Variants in DNAH1 observed in about 807,000 individuals in gnomAD.
The protein encoded by DNAH1 is axonemal beta dynein heavy chain 1.
Under a neutral mutation model 484.3 loss-of-function variants are expected in DNAH1, and 327 were observed. The observed-to-expected ratio is 0.68, with a 90% CI of 0.62 to 0.74. The LOEUF (loss-of-function observed/expected upper bound fraction) is 0.74. DNAH1 is among the 30% of genes least tolerant of loss of function. DNAH1 has a pLI of 0.00. For synonymous variants in DNAH1, 2,192 were observed against 2,191.9 expected (o/e 1.00, Z 0.00); for missense variants, 5,052 against 5,546.8 (o/e 0.91, Z 2.83).
Position 52,361,367 on chromosome 3 carries a change from G to A in DNAH1, c.4874+15G>A. Reference sequence around the variant, plus strand: ...GGCCTGGCCAGGTGAGGCTGGGCATGAGCGTGGCACAGGATGGGGTGGGAC... The same window carrying A: ...GGCCTGGCCAGGTGAGGCTGGGCATAAGCGTGGCACAGGATGGGGTGGGAC... On this transcript the variant is annotated intron_variant, in intron 29 of 77. Transcript: ENST00000420323. The surrounding 1 kb of genome is among the most constrained non-coding windows in gnomAD (Gnocchi z 5.6). 6.4e-7 allele frequency: 1 copy of A among 1,557,572 alleles called. No individual in the cohort carries two copies. Among genetic ancestry groups the A allele is most frequent in the Non-Finnish European group, 8.7e-7 (1 of 1,149,476 alleles).
rs897209393 is a variant in DNAH1 at position 52,350,295 on chromosome 3, G to C, written c.2646+187G>C. On this transcript the variant is annotated intron_variant, in intron 15 of 77. Transcript: ENST00000420323. The stretch of plus-strand genomic sequence containing the variant: ...TCAGAGCTCTGCTGTCTGGGGGTAG[G>C]GGGGAGCTGGAAGCTGGAGGTGTGG... 3.9e-5 allele frequency among the ~76,000 whole-genome samples: 6 copies of C among 152,224 alleles called. No individual in the cohort carries two copies. In the South Asian group the frequency reaches 8.3e-4, roughly 21 times the overall value.
At chr3:52,318,893 GGT>G (rs1287357945) in intron 1 of DNAH1, among the ~76,000 whole-genome samples, 2 of 152,184 alleles carry the variant, frequency 1.3e-5, no homozygotes, top group Non-Finnish European at 1.5e-5. Flanking sequence ...AGAACCCCGG[GGT>G]GTGAAATGGA....
chr3:52,326,981 C>T (rs1292538140), intron 5 of DNAH1, 90 bp downstream of exon 5: 3 of 1,447,468 alleles, frequency 2.1e-6, no homozygotes, highest in Admixed American at 2.3e-5. Context: ...AAAGGGGATT[C>T]CCCCACCAGT....
chr3:52,346,762 C>T lies in DNAH1; in HGVS notation c.1947C>T (p.Ser649=), dbSNP rs368093315. ...DMVWGDDLIN[S]PYRPRKNPLF... ...TCTGGGGTGACGACTTAATTAACAG[C>T]CCCTACAGGTGGGGCCCGGCGGGGC... is the stretch of plus-strand genomic sequence containing the variant. The change falls in exon 11 of 78, where the codon AGC becomes AGT. Residue 649 remains serine (S), a synonymous_variant. Coordinates refer to ENST00000420323, the MANE Select transcript of DNAH1 (RefSeq NM_015512.5). 1.2e-6 allele frequency: 2 copies of T among 1,604,316 alleles called. No individual in the cohort carries two copies. Among genetic ancestry groups the T allele is most frequent in the Non-Finnish European group, 1.7e-6 (2 of 1,172,056 alleles).
chr3:52,363,501 A>C (rs1702948460), intron 32 of DNAH1, among the ~76,000 whole-genome samples: 1 of 152,184 alleles, frequency 6.6e-6, no homozygotes, highest in South Asian at 2.1e-4. Flanking sequence ...TGTGGGGACC[A>C]GAGTAGGACA....
intron 1 of DNAH1, among the ~76,000 whole-genome samples, chr3:52,320,045 A>G (rs11717028): frequency 0.11 from 17,138 of 152,192 alleles, 1,096 homozygotes; most frequent in African/African-American, 0.15. Context: ...TGCACCAGTA[A>G]AGCAAACCAA....
At chr3:52,314,205 G>T (rs1309477415), upstream of DNAH1, among the ~76,000 whole-genome samples, 2 of 152,210 alleles carry the variant, frequency 1.3e-5, no homozygotes, top group South Asian at 2.1e-4. Flanking sequence ...AAAATCAGAG[G>T]TGCTCAGAGC....
In DNAH1 at chr3:52,400,345, C is replaced by T. The variant is rs1704857594; in HGVS notation, c.12697C>T (p.His4233Tyr). The T allele has an allele frequency of 6.2e-7, 1 of 1,614,040 alleles. No homozygotes were observed. Among genetic ancestry groups the T allele is most frequent in the East Asian group, 2.2e-5 (1 of 44,874 alleles). ...TRAGTLSTTG[H>Y]STNYVIAVEI... ...TCCAGGAACACTATCAACCACAGGA[C>T]ACTCTACCAACTATGTCATTGCTGT... The change falls in exon 78 of 78, where the codon CAC (histidine) becomes TAC (tyrosine). Residue 4233 changes from histidine to tyrosine, a missense_variant. By Grantham distance (83) the His-to-Tyr change is moderately conservative. Around this residue, in one of 4 missense-constraint regions of DNAH1, gnomAD observed 853 missense variants for 899.0 expected, o/e 0.95. Coordinates refer to ENST00000420323, the MANE Select transcript of DNAH1 (RefSeq NM_015512.5).
At chr3:52,374,289 A>G (rs1703487050) in intron 44 of DNAH1, 2 of 1,531,552 alleles carry the variant, frequency 1.3e-6, no homozygotes. Flanking sequence ...GAAGAACACA[A>G]GATTTTCTTA....
chr3:52,375,981 C>G lies in DNAH1; in HGVS notation c.7186C>G (p.Arg2396Gly), dbSNP rs771741555. The G allele has an allele frequency of 1.2e-6, 2 of 1,612,156 alleles. No individual in the cohort carries two copies. The highest frequency in any genetic ancestry group is 1.7e-6 in the Non-Finnish European group (2 of 1,179,380). Residue 2396 changes from arginine (R) to glycine (G), a missense_variant, in exon 46 of 78, where the codon CGG (arginine) becomes GGG (glycine). By Grantham distance (125) the Arg-to-Gly change is moderately radical (BLOSUM62 -2). Transcript: ENST00000420323. ...LDGLLGEKSYRERVPGAPHIA... is the reference protein window; with the variant it reads ...LDGLLGEKSYGERVPGAPHIA... ...TGGACTCCTTGGAGAAAAAAGCTAC[C>G]GGGAGCGTGTGCGTAAGTGTGGGCC... is the stretch of plus-strand genomic sequence containing the variant.
rs867803314 is a variant in DNAH1, at chr3:52,348,925, T to A, written c.2144T>A (p.Leu715Gln). The A allele has an allele frequency of 5.0e-6, 8 of 1,613,306 alleles. No individual in the cohort carries two copies. The Middle Eastern group carries it at 9.9e-4, about 199-fold the overall frequency. The change falls in exon 13 of 78, where the codon CTG (leucine) becomes CAG (glutamine). Residue 715 changes from leucine to glutamine, a missense_variant. By Grantham distance (113) the Leu-to-Gln change is moderately radical. Coordinates refer to ENST00000420323, the MANE Select transcript of DNAH1 (RefSeq NM_015512.5). The stretch of plus-strand genomic sequence containing the variant: ...GACATCTTCATCAGCGGTGACCCCC[T>A]GCTGGAGTCCGTGGGCCTTCATGAG... ...MEDIFISGDP[L>Q]LESVGLHEPL...
chr3:52,348,704 A>G (rs986100574), intron 12 of DNAH1, among the ~76,000 whole-genome samples, 184 bp from the exon 13 acceptor site: 3 of 152,186 alleles, frequency 2.0e-5, no homozygotes, highest in Non-Finnish European at 4.4e-5. Flanking sequence ...AAGAGACAGC[A>G]CAGCAAACCC....
chr3:52,330,608 G>T (rs1044351908), intron 6 of DNAH1, among the ~76,000 whole-genome samples: 1 of 152,178 alleles, frequency 6.6e-6, no homozygotes. Flanking sequence ...AGAGAAGTGG[G>T]CACAGGCTTT....
At chr3:52,311,977 G>GC (rs551965893), upstream of DNAH1, among the ~76,000 whole-genome samples, 124 of 152,114 alleles carry the variant, frequency 8.2e-4, no homozygotes, top group African/African-American at 2.0e-3. Context: ...GCTGACCACC[G>GC]CCCCCCCAAC....
intron 8 of DNAH1, among the ~76,000 whole-genome samples, chr3:52,341,563 G>T (rs1182938920): frequency 1.4e-5 from 2 of 144,846 alleles, no homozygotes; most frequent in Non-Finnish European, 1.5e-5. Flanking sequence ...TTGAGACAGG[G>T]TCTTGCTCTG....
chr3:52,330,199 C>T (rs971888546), intron 6 of DNAH1, among the ~76,000 whole-genome samples: 2 of 152,208 alleles, frequency 1.3e-5, no homozygotes, highest in Non-Finnish European at 1.5e-5. Flanking sequence ...TATCGAACAC[C>T]TGCAAGGTAC....
rs756754238 is a variant in DNAH1 at position 52,399,096 on chromosome 3, C to T, written c.12336C>T (p.Phe4112=). The T allele has an allele frequency of 2.5e-6, 4 of 1,614,090 alleles. No individual in the cohort carries two copies. The South Asian group carries it at 4.4e-5, about 18-fold the overall frequency. The part of the protein sequence containing the change: ...AWIQDGIPAV[F]WISGFFFPQA... Reference sequence around the variant, plus strand: ...TCCAAGATGGCATCCCAGCTGTCTTCTGGATCAGTGGATTCTTCTTCCCCC... The same window carrying T: ...TCCAAGATGGCATCCCAGCTGTCTTTTGGATCAGTGGATTCTTCTTCCCCC... Residue 4112 remains phenylalanine, a synonymous_variant, in exon 76 of 78, where the codon TTC becomes TTT. Transcript: ENST00000420323.
intron 67 of DNAH1, 94 bp from the exon 68 acceptor site, chr3:52,394,821 C>T (rs1457938045): frequency 6.6e-7 from 1 of 1,520,602 alleles, no homozygotes; most frequent in Non-Finnish European, 8.9e-7. Flanking sequence ...TGGGATAGCC[C>T]ACTCTCCCCA....
In DNAH1 at chr3:52,374,881, C is replaced by T. The variant is rs975886557; in HGVS notation, c.6986-359C>T. On this transcript the variant is annotated intron_variant, in intron 44 of 77. Coordinates refer to ENST00000420323, the MANE Select transcript of DNAH1 (RefSeq NM_015512.5). ...ATAGAAAATCTAGCCAAAGCCAATC[C>T]CCAGGTACTAAAAACGAGAGTGACA... 21 of 1,081,288 alleles carry T rather than the reference C, an allele frequency of 1.9e-5. No homozygotes were observed. In the Middle Eastern group the frequency reaches 8.8e-4, roughly 46 times the overall value. The allele number at this position is 1,081,288 out of a possible 1,614,324, so 67.0% of individuals were successfully genotyped here.
Sources: allele counts gnomAD v4.1 joint callset (sites outside exome capture counted in the v4.1 genomes callset), GRCh38; gene constraint gnomAD v4.1.1; regional missense constraint gnomAD v4.1.1; non-coding constraint Gnocchi (gnomAD v3.1); transcripts MANE v1.5; gene names NCBI Gene and HGNC (gene_info 2026-07-23, HGNC 2026-07-21).